The following THOC5 variants were observed in gnomAD, a reference collection of about 807,000 sequenced individuals.
THOC5 encodes THO complex subunit 5.
THOC5 carries 43 observed loss-of-function variants against 92.9 expected under a neutral mutation model. The ratio of observed to expected loss-of-function variants is 0.46; its 90% confidence interval spans 0.36 to 0.60. The LOEUF (loss-of-function observed/expected upper bound fraction) is 0.60. THOC5 is among the 20% of genes least tolerant of loss of function. The pLI is 0.00. For synonymous variants in THOC5, 296 were observed against 320.1 expected (o/e 0.92, Z 0.80); for missense variants, 659 against 849.4 (o/e 0.78, Z 2.79).
At chr22:29,544,023 TATCTATC>T (rs144230652) in intron 3 of THOC5, among the ~76,000 whole-genome samples, 8,546 of 152,186 alleles carry the variant, frequency 0.056, 233 homozygotes, top group African/African-American at 0.076. Flanking sequence ...TTAAAAAACT[TATCTATC>T]GAGTTTTTAG....
chr22:29,531,166 G>A, intron 8 of THOC5: 1 of 1,120,758 alleles, frequency 8.9e-7, no homozygotes, highest in Non-Finnish European at 1.1e-6. Context: ...GAAGGACGAG[G>A]AAGACACAAG....
intron 2 of THOC5, among the ~76,000 whole-genome samples, chr22:29,546,138 T>C (rs931267040): frequency 6.6e-6 from 1 of 152,208 alleles, no homozygotes; most frequent in African/African-American, 2.4e-5. Context: ...AAGCTCTAGA[T>C]TGGCCCCTTT....
intron 19 of THOC5, 29 bp downstream of exon 19, chr22:29,511,077 A>G: frequency 6.2e-7 from 1 of 1,601,178 alleles, no homozygotes; most frequent in Non-Finnish European, 8.5e-7. Flanking sequence ...CACCATGAGA[A>G]GTCACCAGAG....
intron 16 of THOC5, 64 bp downstream of exon 16, chr22:29,517,199 T>C: frequency 6.2e-7 from 1 of 1,605,890 alleles, no homozygotes; most frequent in South Asian, 1.1e-5. Context: ...TGGCAGGAGC[T>C]GAAAGGTGAC....
In THOC5 at chr22:29,510,981, G is replaced by A. The variant is rs1159011497; in HGVS notation, c.1988+125C>T. On this transcript the variant is annotated intron_variant, in intron 19 of 19. Transcript: ENST00000490103. The stretch of plus-strand genomic sequence containing the variant: ...GTTAGTGAAAAACAGGTGGACCAGA[G>A]TGATAGGCATCGGCTGCAGGGGAAG... 6 of 1,003,404 alleles carry A rather than the reference G, an allele frequency of 6.0e-6. No individual in the cohort carries two copies. The East Asian group carries it at 1.4e-4, about 24-fold the overall frequency. The allele number at this position is 1,003,404 out of a possible 1,614,324, so 62.2% of individuals were successfully genotyped here.
intron 7 of THOC5, chr22:29,536,000 T>C (rs1248377776): frequency 2.0e-5 from 3 of 152,184 alleles, no homozygotes; most frequent in African/African-American, 7.2e-5. Flanking sequence ...ACGCTTACAG[T>C]TGAAGAAAGG....
Position 29,542,876 on chromosome 22 carries a change from G to A in THOC5, c.435C>T (p.Thr145=), listed in dbSNP as rs1258894740. ...AAACTCACTTAAACTCCAAACATTT[G>A]GTGATCTCCTTCTGTAGGTGCATCA... is the stretch of plus-strand genomic sequence containing the variant. The part of the protein sequence containing the change: ...YEVMHLQKEI[T]KCLEFKSKHE... The change falls in exon 5 of 20, where the codon ACC becomes ACT. Residue 145 remains threonine (T), a synonymous_variant. Transcript: ENST00000490103. The A allele has an allele frequency of 6.2e-7, 1 of 1,612,810 alleles. No homozygotes were observed. Among genetic ancestry groups the A allele is most frequent in the Non-Finnish European group, 8.5e-7 (1 of 1,179,250 alleles).
At chr22:29,529,059 T>C (rs555021282) in intron 9 of THOC5, 103 bp downstream of exon 9, 27 of 1,163,636 alleles carry the variant, frequency 2.3e-5, no homozygotes, top group Middle Eastern at 2.6e-4. Context: ...CAAGTCAAGC[T>C]TCCTGCTACA....
chr22:29,516,471 C>T (rs2063334414), intron 17 of THOC5, among the ~76,000 whole-genome samples: 1 of 152,196 alleles, frequency 6.6e-6, no homozygotes, highest in Admixed American at 6.5e-5. Context: ...CAGTGCCAGG[C>T]TTGCTGCGGC....
intron 8 of THOC5, chr22:29,531,300 T>TA: frequency 1.0e-6 from 1 of 985,368 alleles, no homozygotes; most frequent in Non-Finnish European, 1.2e-6. Flanking sequence ...AAAGCTGCAT[T>TA]AGGGCAAAAG....
At chr22:29,544,665 G>C in intron 2 of THOC5, 62 bp from the exon 3 acceptor site, 1 of 1,442,030 alleles carries the variant, frequency 6.9e-7, no homozygotes, top group African/African-American at 1.5e-5. Flanking sequence ...CTGGGATCAG[G>C]GACACTTGGC....
rs2063153492 is a variant in THOC5, at chr22:29,507,913, A to G, written c.*544T>C. ...CTAACCCCTGAGTTGTTCAAGGATC[A>G]ACTGAGTTTGTCTTCTGTTTGCACT... On this transcript the variant is annotated 3_prime_UTR_variant, in exon 20 of 20. Transcript: ENST00000490103. 1 of 155,276 alleles carries G rather than the reference A, an allele frequency of 6.4e-6. No individual in the cohort carries two copies. The highest frequency in any genetic ancestry group is 2.0e-4 in the South Asian group (1 of 5,066). 9.6% of individuals were successfully genotyped at this position (155,276 alleles called of 1,614,324 possible). A position where few individuals can be genotyped will look rare whatever the true frequency, so the allele number is the denominator to read the frequency against.
intron 8 of THOC5, among the ~76,000 whole-genome samples, chr22:29,530,460 C>T (rs1018112144): frequency 1.3e-5 from 2 of 151,742 alleles, no homozygotes; most frequent in Non-Finnish European, 2.9e-5. Context: ...GCAGAGGTTG[C>T]AGTGAGCCAA....
At chr22:29,520,126 A>C (rs978545414) in intron 13 of THOC5, 22 bp from the exon 14 acceptor site, 8 of 1,607,786 alleles carry the variant, frequency 5.0e-6, no homozygotes, top group Non-Finnish European at 1.7e-6. Context: ...AAGATAAATA[A>C]AATTGTGCTG....
intron 15 of THOC5, among the ~76,000 whole-genome samples, chr22:29,517,832 A>G (rs557386983): frequency 5.4e-4 from 83 of 152,328 alleles, no homozygotes; most frequent in African/African-American, 2.0e-3. Context: ...ATATGCCAAC[A>G]CAGTAAGTAC....
intron 17 of THOC5, among the ~76,000 whole-genome samples, chr22:29,516,747 G>A (rs1252890842): frequency 6.6e-6 from 1 of 152,206 alleles, no homozygotes; most frequent in Non-Finnish European, 1.5e-5. Context: ...AAAGAGCTCA[G>A]GCTCAGCGCT....
intron 1 of THOC5, among the ~76,000 whole-genome samples, chr22:29,550,548 C>T (rs187699083): frequency 1.3e-5 from 2 of 152,230 alleles, no homozygotes; most frequent in Non-Finnish European, 1.5e-5. Flanking sequence ...ACAATCATCA[C>T]TCACTGAAGC....
chr22:29,549,072 T>A lies in THOC5; in HGVS notation c.76A>T (p.Asn26Tyr). ...SDGAPAEGKR[N>Y]RSDTEQEGKY... ...CTCACCTGCTCGGTGTCAGATCGAT[T>A]CCGCTTTCCTTCAGCTGGGGCTCCA... The change falls in exon 2 of 20, where the codon AAT (asparagine) becomes TAT (tyrosine). Residue 26 changes from asparagine (N) to tyrosine (Y), a missense_variant. Coordinates refer to ENST00000490103, the MANE Select transcript of THOC5 (RefSeq NM_003678.5). 1 of 1,614,154 alleles carries A rather than the reference T, an allele frequency of 6.2e-7. No individual in the cohort carries two copies. The highest frequency in any genetic ancestry group is 8.5e-7 in the Non-Finnish European group (1 of 1,180,022).
chr22:29,517,454 G>T, intron 15 of THOC5, 88 bp from the exon 16 acceptor site: 1 of 1,165,342 alleles, frequency 8.6e-7, no homozygotes, highest in Non-Finnish European at 1.2e-6. Context: ...TCTCTGAAGG[G>T]CTCAGATGGC....
Sources: gnomAD v4.1 joint callset for allele counts (sites outside exome capture counted in the v4.1 genomes callset) on GRCh38, gnomAD v4.1.1 for gene constraint, MANE v1.5 for transcripts, NCBI Gene and HGNC (gene_info 2026-07-23, HGNC 2026-07-21) for gene names.